The following LAMC3 variants were observed in gnomAD, a reference collection of about 807,000 sequenced individuals.
LAMC3 encodes the protein laminin subunit gamma-3.
LAMC3 carries 128 observed loss-of-function variants against 173.8 expected under a neutral mutation model. That is an observed-to-expected ratio of 0.74 (90% CI 0.64 to 0.85). LAMC3 has a LOEUF of 0.85. Among genes scored for constraint, LAMC3 ranks in the 40% least tolerant of loss-of-function variants. LAMC3 has a pLI of 0.00. For missense variants in LAMC3, 2,022 were observed against 2,156.0 expected (o/e 0.94, Z 1.23); for synonymous variants, 897 against 909.1 (o/e 0.99, Z 0.24).
intron 18 of LAMC3, 85 bp from the exon 19 acceptor site, chr9:131,072,545 G>A: frequency 2.7e-6 from 3 of 1,118,858 alleles, no homozygotes; most frequent in Non-Finnish European, 2.6e-6. Context: ...GGGAATGGAG[G>A]CCACAGAAGG....
chr9:131,039,084 C>T (rs1419024999), intron 5 of LAMC3, 32 bp downstream of exon 5: 1 of 1,612,334 alleles, frequency 6.2e-7, no homozygotes, highest in Non-Finnish European at 8.5e-7. Flanking sequence ...AGCCTCCGAC[C>T]CTCTCCCTTT....
At chr9:131,012,060 CAT>C (rs1491099616) in intron 1 of LAMC3, among the ~76,000 whole-genome samples, 43 of 135,954 alleles carry the variant, frequency 3.2e-4, no homozygotes, top group African/African-American at 1.1e-3. Context: ...CACACACACA[CAT>C]ACACACACAC....
intron 1 of LAMC3, among the ~76,000 whole-genome samples, chr9:131,016,412 A>C (rs187385656): frequency 1.3e-5 from 2 of 152,308 alleles, no homozygotes; most frequent in Non-Finnish European, 2.9e-5. Context: ...ACAATAAAAG[A>C]AGGTTTGGGG....
At chr9:131,045,682 C>T (rs371926455) in intron 8 of LAMC3, 22 bp downstream of exon 8, 288 of 1,613,558 alleles carry the variant, frequency 1.8e-4, no homozygotes, top group Non-Finnish European at 2.3e-4. Context: ...TCCCTGCAAA[C>T]GCCTCCCAAG....
chr9:131,065,478 TGAGGAAAAGGAC>T (rs1829914852), intron 13 of LAMC3, among the ~76,000 whole-genome samples: 1 of 151,790 alleles, frequency 6.6e-6, no homozygotes, highest in Non-Finnish European at 1.5e-5. Context: ...AAGAGGGGGA[TGAGGAAAAGGAC>T]GAGGAGAAGC....
At chr9:131,052,718 G>A in intron 10 of LAMC3, 35 bp downstream of exon 10, 3 of 1,578,636 alleles carry the variant, frequency 1.9e-6, no homozygotes, top group Non-Finnish European at 2.6e-6. Flanking sequence ...AGATGGGGAG[G>A]TGAGAGGGGT....
intron 3 of LAMC3, among the ~76,000 whole-genome samples, chr9:131,032,663 A>T (rs985763420): frequency 9.6e-4 from 97 of 101,222 alleles, no homozygotes; most frequent in South Asian, 3.2e-3. Context: ...ACTCTCTCTC[A>T]CTCTCTCTCG....
At chr9:131,014,071 C>T (rs936924194) in intron 1 of LAMC3, among the ~76,000 whole-genome samples, 4 of 152,248 alleles carry the variant, frequency 2.6e-5, no homozygotes, top group African/African-American at 9.6e-5. Flanking sequence ...GCCCTCCAGG[C>T]CCCTGGGCCC....
intron 25 of LAMC3, among the ~76,000 whole-genome samples, chr9:131,086,795 C>T (rs1158254412): frequency 6.6e-6 from 1 of 151,502 alleles, no homozygotes; most frequent in Non-Finnish European, 1.5e-5. Context: ...GAGGCTGAGA[C>T]ACAAGAATTG....
intron 7 of LAMC3, among the ~76,000 whole-genome samples, chr9:131,043,209 C>T (rs1172338296): frequency 6.6e-6 from 1 of 152,198 alleles, no homozygotes; most frequent in East Asian, 1.9e-4. Context: ...GGGGCTCTCC[C>T]AAGGCCAGGA....
chr9:131,083,865 CTTTTTTTT>C (rs61109597), intron 24 of LAMC3, among the ~76,000 whole-genome samples: 3 of 49,218 alleles, frequency 6.1e-5, no homozygotes, highest in Admixed American at 6.0e-4. Context: ...GTAATAAGTG[CTTTTTTTT>C]TTTTTTTTTT....
intron 23 of LAMC3, among the ~76,000 whole-genome samples, chr9:131,080,098 G>A (rs1399600202): frequency 2.6e-5 from 4 of 152,074 alleles, no homozygotes; most frequent in Admixed American, 2.0e-4. Context: ...TCAGCCTCCA[G>A]AGTAACTGGG....
rs193116816 is a variant in LAMC3, at chr9:131,074,170, G to A, written c.3494+849G>A. Among the ~76,000 whole-genome samples the A allele has an allele frequency of 5.6e-3, 851 of 150,748 alleles. 3 individuals carry two copies. The highest frequency in any genetic ancestry group is 0.011 in the Admixed American group (168 of 15,200). On this transcript the variant is annotated intron_variant, in intron 20 of 27. Transcript: ENST00000361069. ...TCACTGTGTTAGCCAGGATGATCTC[G>A]ATCTCCTGACCCCGTGATCCACCTG...
intron 27 of LAMC3, 96 bp downstream of exon 27, chr9:131,087,913 T>G (rs993725145): frequency 3.2e-6 from 3 of 927,210 alleles, no homozygotes; most frequent in Non-Finnish European, 5.2e-6. Context: ...GATTTCCTCC[T>G]TGTCCTCATT....
intron 3 of LAMC3, among the ~76,000 whole-genome samples, chr9:131,033,630 T>TA (rs924343942): frequency 6.6e-6 from 1 of 151,918 alleles, no homozygotes; most frequent in Non-Finnish European, 1.5e-5. Flanking sequence ...GTCAGATTTT[T>TA]AAAACACCCC....
chr9:131,049,857 G>A (rs1402964786), intron 9 of LAMC3, among the ~76,000 whole-genome samples: 3 of 152,184 alleles, frequency 2.0e-5, no homozygotes, highest in Admixed American at 2.0e-4. Context: ...CCACAGTGAG[G>A]GGAACTGTGG....
At chr9:131,058,992 G>A (rs1188056962) in intron 12 of LAMC3, among the ~76,000 whole-genome samples, 1 of 151,054 alleles carries the variant, frequency 6.6e-6, no homozygotes, top group African/African-American at 2.4e-5. Context: ...GAGGTTGGGG[G>A]TTCAAGACCA....
chr9:131,061,012 G>C (rs780596064), intron 12 of LAMC3, 23 bp from the exon 13 acceptor site: 5 of 1,612,872 alleles, frequency 3.1e-6, no homozygotes, highest in Non-Finnish European at 2.5e-6. Context: ...GGTTCAGACA[G>C]TGGTGCTTGT....
intron 9 of LAMC3, among the ~76,000 whole-genome samples, chr9:131,049,536 G>A (rs1026586639): frequency 5.3e-5 from 8 of 152,164 alleles, no homozygotes; most frequent in African/African-American, 1.9e-4. Flanking sequence ...CAGGTCAGCT[G>A]ATTAACAACC....
Sources: allele counts gnomAD v4.1 joint callset (sites outside exome capture counted in the v4.1 genomes callset), GRCh38; gene constraint gnomAD v4.1.1; transcripts MANE v1.5; gene names NCBI Gene and HGNC (gene_info 2026-07-23, HGNC 2026-07-21).